Variants in SLC4A4 observed in about 807,000 individuals in gnomAD.
SLC4A4 encodes the protein solute carrier family 4 member 4.
SLC4A4 carries 27 observed loss-of-function variants against 111.5 expected under a neutral mutation model. The observed-to-expected ratio is 0.24, with a 90% confidence interval of 0.18 to 0.33. SLC4A4 has a LOEUF of 0.33. Ranked by LOEUF, SLC4A4 falls within the 10% of genes least tolerant of loss-of-function variation. SLC4A4 has a pLI of 1.00. For missense variants in SLC4A4, 909 were observed against 1,315.5 expected, an observed-to-expected ratio of 0.69 and a Z score of 4.78; for synonymous variants, 443 against 463.4, an observed-to-expected ratio of 0.96 and a Z score of 0.57.
chr4:71,437,303 C>T, intron 7 of SLC4A4: 3 of 361,808 alleles, frequency 8.3e-6, no homozygotes, highest in Non-Finnish European at 1.6e-5. Context: ...CAGCCACTTC[C>T]AATAACACGG....
chr4:71,487,852 T>G (rs1266481714), intron 15 of SLC4A4, among the ~76,000 whole-genome samples: 1 of 151,612 alleles, frequency 6.6e-6, no homozygotes, highest in African/African-American at 2.4e-5. Flanking sequence ...TCTTTTTTGT[T>G]TTTATATTCT....
At chr4:71,166,654 A>G (rs1445873886) in intron 2 of SLC4A4, among the ~76,000 whole-genome samples, 1 of 152,190 alleles carries the variant, frequency 6.6e-6, no homozygotes, top group Non-Finnish European at 1.5e-5. Context: ...GGGTTTTAAA[A>G]TGTGTCTTCC....
chr4:71,566,208 T>C (rs1202827159), intron 24 of SLC4A4, among the ~76,000 whole-genome samples: 2 of 151,568 alleles, frequency 1.3e-5, no homozygotes, highest in African/African-American at 4.8e-5. Flanking sequence ...CCCCTATTAA[T>C]GGGGTTTGGT....
chr4:71,202,821 T>G (rs2256353), intron 1 of SLC4A4, among the ~76,000 whole-genome samples: 24,155 of 152,120 alleles, frequency 0.16, 3,118 homozygotes, highest in African/African-American at 0.33. Flanking sequence ...TACACAGTAA[T>G]CATCAAGCTG....
chr4:71,155,372 A>C (rs1744429507), intron 2 of SLC4A4, among the ~76,000 whole-genome samples: 1 of 152,226 alleles, frequency 6.6e-6, no homozygotes, highest in African/African-American at 2.4e-5. Flanking sequence ...CAAATAAAGA[A>C]GAAACATCAG....
At chr4:71,476,711 C>T (rs1044979241) in intron 14 of SLC4A4, among the ~76,000 whole-genome samples, 3 of 151,562 alleles carry the variant, frequency 2.0e-5, no homozygotes, top group African/African-American at 7.3e-5. Context: ...ACTTTTTTCT[C>T]CATTCATTTT....
chr4:71,400,284 A>G (rs1317169503), intron 7 of SLC4A4, among the ~76,000 whole-genome samples: 3 of 152,326 alleles, frequency 2.0e-5, no homozygotes, highest in Admixed American at 1.3e-4. Context: ...CTTAAGATGC[A>G]TATTACATAA....
chr4:71,567,119 G>A, intron 25 of SLC4A4, 36 bp downstream of exon 25: 1 of 1,503,700 alleles, frequency 6.7e-7, no homozygotes. Flanking sequence ...TTTTTCTGTG[G>A]GATAATTGCC....
At position 71,497,846 on chromosome 4, in the gene SLC4A4, A is replaced by G. The variant is rs74472998; in HGVS notation, c.2166+154A>G. The stretch of plus-strand genomic sequence containing the variant: ...CACTTCAATCTTTGTTCATGTGCAT[A>G]CTTATTAACGTAAGTCTAGTCAAGC... On this transcript the variant is annotated intron_variant, in intron 16 of 25. Coordinates refer to ENST00000264485, the MANE Select transcript of SLC4A4 (RefSeq NM_001098484.3). Among the ~76,000 whole-genome samples, 575 of 152,276 alleles carry G rather than the reference A, an allele frequency of 3.8e-3. 3 individuals carry two copies. Among genetic ancestry groups the G allele is most frequent in the African/African-American group, 0.013 (549 of 41,566 alleles).
At chr4:71,168,177 C>CTTT (rs777092928) in intron 2 of SLC4A4, among the ~76,000 whole-genome samples, 3,088 of 106,102 alleles carry the variant, frequency 0.029, 211 homozygotes, top group African/African-American at 0.12. Context: ...CAATTATACT[C>CTTT]TTTTTTTTTT....
chr4:71,553,058 A>T (rs1030732398), intron 20 of SLC4A4, among the ~76,000 whole-genome samples: 1 of 151,886 alleles, frequency 6.6e-6, no homozygotes, highest in Non-Finnish European at 1.5e-5. Flanking sequence ...CAAGTTTTCC[A>T]TATTGGAAGA....
rs1737942380 is a variant in SLC4A4 at position 71,571,693 on chromosome 4, G to C, written c.*3942G>C. On this transcript the variant is annotated 3_prime_UTR_variant, in exon 26 of 26. Coordinates refer to ENST00000264485, the MANE Select transcript of SLC4A4 (RefSeq NM_001098484.3). Reference sequence around the variant, plus strand: ...TTGTCCCAGTCCTACAATGTGAAAAGAGTGAATAGTTGCCTCTTTTTAGCC... The same window carrying C: ...TTGTCCCAGTCCTACAATGTGAAAACAGTGAATAGTTGCCTCTTTTTAGCC... 1 of 152,266 alleles carries C rather than the reference G, an allele frequency of 6.6e-6. No individual in the cohort carries two copies. The highest frequency in any genetic ancestry group is 2.4e-5 in the African/African-American group (1 of 41,400). The allele number at this position is 152,266 out of a possible 1,614,324, so 9.4% of individuals were successfully genotyped here.
intron 2 of SLC4A4, among the ~76,000 whole-genome samples, chr4:71,126,424 G>A (rs1462618069): frequency 1.3e-5 from 2 of 152,054 alleles, no homozygotes; most frequent in African/African-American, 2.4e-5. Context: ...TCTGCTATTT[G>A]GTGGCAATTT....
chr4:71,350,708 A>G (rs1433090598), intron 5 of SLC4A4, among the ~76,000 whole-genome samples: 1 of 152,208 alleles, frequency 6.6e-6, no homozygotes, highest in Non-Finnish European at 1.5e-5. Context: ...CTATAATGTA[A>G]AGAAATGGAT....
intron 18 of SLC4A4, among the ~76,000 whole-genome samples, chr4:71,540,394 T>C (rs1049460626): frequency 6.6e-6 from 1 of 152,222 alleles, no homozygotes; most frequent in African/African-American, 2.4e-5. Context: ...TAGTAAAGCA[T>C]ATACAATTTC....
At chr4:71,208,430 C>CA (rs34995813) in intron 1 of SLC4A4, among the ~76,000 whole-genome samples, 1,278 of 110,218 alleles carry the variant, frequency 0.012, 12 homozygotes, top group African/African-American at 0.018. Flanking sequence ...GACTCCGTCT[C>CA]AAAAAAAAAA....
chr4:71,142,123 C>G (rs1378343498), intron 2 of SLC4A4, among the ~76,000 whole-genome samples: 1 of 152,148 alleles, frequency 6.6e-6, no homozygotes, highest in East Asian at 1.9e-4. Flanking sequence ...ACTTCTGATA[C>G]AAACTATAGG....
intron 3 of SLC4A4, among the ~76,000 whole-genome samples, chr4:71,324,857 T>C (rs929898213): frequency 6.6e-6 from 1 of 151,968 alleles, no homozygotes; most frequent in Admixed American, 6.6e-5. Flanking sequence ...CTGGCTGAAA[T>C]TGAACTTACT....
intron 6 of SLC4A4, among the ~76,000 whole-genome samples, chr4:71,378,819 G>A (rs1240083571): frequency 6.6e-6 from 1 of 152,102 alleles, no homozygotes; most frequent in Non-Finnish European, 1.5e-5. Context: ...GTTTAGACTT[G>A]TCCTGGTAAT....
Sources: allele counts gnomAD v4.1 joint callset (sites outside exome capture counted in the v4.1 genomes callset), GRCh38; gene constraint gnomAD v4.1.1; transcripts MANE v1.5; gene names NCBI Gene and HGNC (gene_info 2026-07-23, HGNC 2026-07-21).